GNAT3: variants seen among roughly 807,000 people sequenced by gnomAD.
GNAT3 encodes G protein subunit alpha transducin 3.
Under a neutral mutation model 37.7 loss-of-function variants are expected in GNAT3, and 31 were observed. The ratio of observed to expected loss-of-function variants is 0.82; its 90% CI spans 0.62 to 1.11. The LOEUF (loss-of-function observed/expected upper bound fraction) is 1.11, where lower values mean the gene tolerates loss of function less well. Ranked by LOEUF, GNAT3 falls within the 50% of genes most tolerant of loss-of-function variation. GNAT3 has a pLI of 0.00. For missense variants in GNAT3, 437 were observed against 412.5 expected (o/e 1.06, Z -0.51); for synonymous variants, 138 against 139.8 (o/e 0.99, Z 0.09).
chr7:80,491,299 G>C (rs1410863411), intron 2 of GNAT3, among the ~76,000 whole-genome samples: 1 of 152,158 alleles, frequency 6.6e-6, no homozygotes, highest in African/African-American at 2.4e-5. Flanking sequence ...GGGCGATAGA[G>C]GCCAGATGGG....
At chr7:80,476,471 T>A (rs2116166089) in intron 4 of GNAT3, among the ~76,000 whole-genome samples, 1 of 148,586 alleles carries the variant, frequency 6.7e-6, no homozygotes, top group South Asian at 2.2e-4. Flanking sequence ...TGCAGTCAAC[T>A]AAAATGTTTC....
intron 7 of GNAT3, among the ~76,000 whole-genome samples, chr7:80,459,791 C>T (rs543561152): frequency 6.6e-6 from 1 of 152,136 alleles, no homozygotes; most frequent in Non-Finnish European, 1.5e-5. Context: ...CCTTGAAGGA[C>T]AAGCTTTAAA....
intron 1 of GNAT3, among the ~76,000 whole-genome samples, chr7:80,504,770 C>T (rs1005906061): frequency 3.3e-5 from 5 of 152,120 alleles, no homozygotes; most frequent in South Asian, 2.1e-4. Flanking sequence ...TATAAGAATA[C>T]GTGAATGTTT....
In GNAT3 at chr7:80,458,698, C is replaced by A. The variant is rs192064811; in HGVS notation, c.1038G>T (p.Glu346Asp). The change falls in exon 8 of 8, where the codon GAG (glutamate) becomes GAT (aspartate). Residue 346 changes from glutamate (E) to aspartate (D), a missense_variant. By Grantham distance (45) the Glu-to-Asp change is conservative. Coordinates refer to ENST00000398291, the MANE Select transcript of GNAT3 (RefSeq NM_001102386.3). Reference protein sequence around the residue: ...FDAVTDIIIKENLKDCGLF With the variant: ...FDAVTDIIIKDNLKDCGLF ...AGAAAAGCCCACAGTCTTTTAGATT[C>A]TCTTTGATTATTATATCTGTAACTG... 902 of 1,581,208 alleles carry A rather than the reference C, an allele frequency of 5.7e-4. 5 individuals are homozygous for A. In the African/African-American group the frequency reaches 0.01, roughly 18 times the overall value.
intron 7 of GNAT3, among the ~76,000 whole-genome samples, chr7:80,461,367 G>A (rs533578556): frequency 6.6e-6 from 1 of 152,060 alleles, no homozygotes; most frequent in East Asian, 1.9e-4. Flanking sequence ...TGGCAAACAT[G>A]GTGAAACCCC....
At chr7:80,470,276 C>T (rs1031099985) in intron 5 of GNAT3, among the ~76,000 whole-genome samples, 1 of 152,048 alleles carries the variant, frequency 6.6e-6, no homozygotes, top group African/African-American at 2.4e-5. Flanking sequence ...GGCTAGAGCG[C>T]AGTGGCGCGA....
chr7:80,500,323 C>G (rs969099154), intron 1 of GNAT3, among the ~76,000 whole-genome samples: 5 of 151,734 alleles, frequency 3.3e-5, no homozygotes, highest in African/African-American at 4.9e-5. Context: ...CCACAAACCA[C>G]GTGTATCTAA....
rs1227232768 is a variant in GNAT3, at chr7:80,474,376, G to T, written c.465C>A (p.Tyr155Ter). 1.3e-6 allele frequency: 2 copies of T among 1,527,016 alleles called. No homozygotes were observed. Among genetic ancestry groups the T allele is most frequent in the Admixed American group, 4.0e-5 (2 of 49,660 alleles). 94.6% of individuals were successfully genotyped at this position (1,527,016 alleles called of 1,614,324 possible). Reference sequence around the variant, plus strand: ...CTGTTATTCTATCTAAATCATTAAGGTAGCTAATAAAGACAAAACAAAATT... The same window carrying T: ...CTGTTATTCTATCTAAATCATTAAGTTAGCTAATAAAGACAAAACAAAATT... ...EYQLNDSAAY[Y>*]LNDLDRITAS... Residue 155 changes from tyrosine to a stop codon, truncating the protein, a stop_gained, in exon 5 of 8, where the codon TAC (tyrosine) becomes TAA (stop). Transcript: ENST00000398291. LOFTEE classifies it high-confidence loss of function.
chr7:80,491,852 C>G (rs1400238165), intron 2 of GNAT3, among the ~76,000 whole-genome samples: 3 of 152,020 alleles, frequency 2.0e-5, no homozygotes, highest in Admixed American at 1.3e-4. Context: ...CAAAGCAGAA[C>G]AGGAAACTTG....
intron 3 of GNAT3, among the ~76,000 whole-genome samples, chr7:80,482,536 C>T (rs781094455): frequency 1.3e-4 from 20 of 150,484 alleles, no homozygotes; most frequent in African/African-American, 3.9e-4. Context: ...TTTTTTGAGA[C>T]GGAGTCTTGC....
At chr7:80,489,839 A>G (rs939375590) in intron 2 of GNAT3, among the ~76,000 whole-genome samples, 11 of 152,180 alleles carry the variant, frequency 7.2e-5, no homozygotes, top group Non-Finnish European at 5.9e-5. Flanking sequence ...TGTCAAATTG[A>G]ACTTGGAAAA....
chr7:80,488,938 T>C (rs10241126), intron 2 of GNAT3, among the ~76,000 whole-genome samples: 17,380 of 152,124 alleles, frequency 0.11, 2,682 homozygotes, highest in African/African-American at 0.35. Flanking sequence ...TTTTTTAAAA[T>C]GGGTAAATCA....
intron 4 of GNAT3, among the ~76,000 whole-genome samples, chr7:80,476,913 C>G (rs1307160871): frequency 6.6e-6 from 1 of 151,814 alleles, no homozygotes; most frequent in African/African-American, 2.4e-5. Flanking sequence ...TGAAATTTCT[C>G]TAAGACCCAG....
In GNAT3 at chr7:80,495,891, A is replaced by T. The variant is rs1790707662; in HGVS notation, c.119-1244T>A. Among the ~76,000 whole-genome samples, 4 of 151,980 alleles carry T rather than the reference A, an allele frequency of 2.6e-5. No individual in the cohort carries two copies. The South Asian group carries it at 8.3e-4, about 32-fold the overall frequency. ...GTTCATGTCCTTTGCCCACTTTTTG[A>T]TGGAGCTATTTGCTTTTTTCTCGTT... is the stretch of plus-strand genomic sequence containing the variant. On this transcript the variant is annotated intron_variant, in intron 1 of 7. Transcript: ENST00000398291.
At chr7:80,470,284 C>T (rs1283751270) in intron 5 of GNAT3, among the ~76,000 whole-genome samples, 4 of 152,112 alleles carry the variant, frequency 2.6e-5, no homozygotes, top group Admixed American at 6.5e-5. Flanking sequence ...CGCAGTGGCG[C>T]GATCTTGGCT....
chr7:80,478,509 C>T (rs1384871537), intron 4 of GNAT3, among the ~76,000 whole-genome samples: 1 of 152,082 alleles, frequency 6.6e-6, no homozygotes, highest in African/African-American at 2.4e-5. Context: ...TAGCCCAAAA[C>T]CTCAGTGTGC....
rs1303133674 is a variant in GNAT3, at chr7:80,474,368, T to G, written c.473A>C (p.Asp158Ala). ...LNDSAAYYLN[D>A]LDRITASGYV... The stretch of plus-strand genomic sequence containing the variant: ...CCCAGATGCTGTTATTCTATCTAAA[T>G]CATTAAGGTAGCTAATAAAGACAAA... The change falls in exon 5 of 8, where the codon GAT becomes GCT. Residue 158 changes from aspartate (D) to alanine (A), a missense_variant. Asp to Ala is a moderately radical substitution (Grantham distance 126). Coordinates refer to ENST00000398291, the MANE Select transcript of GNAT3 (RefSeq NM_001102386.3). The G allele has an allele frequency of 6.5e-7, 1 of 1,537,356 alleles. No individual in the cohort carries two copies. The highest frequency in any genetic ancestry group is 8.8e-7 in the Non-Finnish European group (1 of 1,135,784).
chr7:80,484,760 A>G (rs11975360), intron 3 of GNAT3, among the ~76,000 whole-genome samples: 4,810 of 152,090 alleles, frequency 0.032, 258 homozygotes, highest in African/African-American at 0.11. Flanking sequence ...AGGAAATTCT[A>G]AGCCTATCAA....
intron 1 of GNAT3, 42 bp downstream of exon 1, chr7:80,511,767 A>G (rs1481906831): frequency 7.9e-7 from 1 of 1,258,706 alleles, no homozygotes; most frequent in Admixed American, 1.9e-5. Flanking sequence ...CACAATTGAA[A>G]AAAAAGTCAG....
Sources: gnomAD v4.1 joint callset for allele counts (sites outside exome capture counted in the v4.1 genomes callset) on GRCh38, gnomAD v4.1.1 for gene constraint, MANE v1.5 for transcripts, NCBI Gene and HGNC (gene_info 2026-07-23, HGNC 2026-07-21) for gene names.